The following RERE variants were observed in gnomAD, a reference collection of about 807,000 sequenced individuals.
RERE encodes arginine-glutamic acid dipeptide repeats.
A neutral mutation model predicts 146.1 loss-of-function variants in RERE; 40 were observed. The ratio of observed to expected loss-of-function variants is 0.27; its 90% CI spans 0.21 to 0.36. The LOEUF is 0.36. RERE is among the 10% of genes least tolerant of loss of function. The probability of loss-of-function intolerance (pLI) is 1.00; values close to 1 mark genes in which losing one functional copy is unlikely to be tolerated. For missense variants in RERE, 1,933 were observed against 2,138.7 expected, an observed-to-expected ratio of 0.90 and a Z score of 1.90; for synonymous variants, 1,003 against 866.0, an observed-to-expected ratio of 1.16 and a Z score of -2.78.
intron 1 of RERE, chr1:8,750,550 G>A (rs1640511929): frequency 1.0e-6 from 1 of 988,312 alleles, no homozygotes; most frequent in African/African-American, 1.6e-5. Flanking sequence ...CCCAAAACAT[G>A]CTTTGAAAGG....
intron 11 of RERE, among the ~76,000 whole-genome samples, chr1:8,462,027 A>AT (rs1476095204): frequency 6.6e-6 from 1 of 152,046 alleles, no homozygotes; most frequent in South Asian, 2.1e-4. Context: ...TATGTTTTTA[A>AT]TTTTTTTGTG....
intron 1 of RERE, among the ~76,000 whole-genome samples, chr1:8,736,853 A>G (rs200131113): frequency 5.8e-3 from 131 of 22,664 alleles, no homozygotes; most frequent in African/African-American, 0.027. Flanking sequence ...GCAAGGGGGA[A>G]AAAAAAAAAA....
intron 12 of RERE, among the ~76,000 whole-genome samples, chr1:8,388,179 T>A (rs1642748076): frequency 6.6e-6 from 1 of 152,084 alleles, no homozygotes; most frequent in African/African-American, 2.4e-5. Flanking sequence ...GCAAAACTAA[T>A]ATACTGTGTA....
intron 1 of RERE, among the ~76,000 whole-genome samples, chr1:8,710,654 G>A (rs1002617571): frequency 6.6e-6 from 1 of 152,122 alleles, no homozygotes; most frequent in African/African-American, 2.4e-5. Context: ...TAGTAGCTGG[G>A]ACTACAGGTG....
intron 2 of RERE, among the ~76,000 whole-genome samples, chr1:8,643,833 C>T (rs1647217162): frequency 6.6e-6 from 1 of 152,184 alleles, no homozygotes. Context: ...AATGAGAAAG[C>T]TCCTGCTGAT....
chr1:8,443,473 A>AAAAAAAAG (rs1644278849), intron 11 of RERE, among the ~76,000 whole-genome samples: 1 of 151,104 alleles, frequency 6.6e-6, no homozygotes, highest in Non-Finnish European at 1.5e-5. Context: ...AAAAAAAAAA[A>AAAAAAAAG]AAAAAAGAAA....
intron 4 of RERE, among the ~76,000 whole-genome samples, chr1:8,558,466 A>G (rs922240481): frequency 6.6e-6 from 1 of 152,212 alleles, no homozygotes; most frequent in Non-Finnish European, 1.5e-5. Context: ...AGGTGAATGC[A>G]GTATCATGCC....
At position 8,358,514 on chromosome 1, in the gene RERE, C is replaced by T. The variant is rs778066510; in HGVS notation, c.4021G>A (p.Ala1341Thr). 1.2e-5 allele frequency: 19 copies of T among 1,591,596 alleles called. No individual in the cohort carries two copies. Among genetic ancestry groups the T allele is most frequent in the East Asian group, 4.5e-5 (2 of 44,692 alleles). The change falls in exon 20 of 23, where the codon GCC becomes ACC. Residue 1341 changes from alanine (A) to threonine (T), a missense_variant. Ala to Thr is a moderately conservative substitution (Grantham distance 58). Transcript: ENST00000400908. Reference protein sequence around the residue: ...PPELDPLHPAANPMEHFARHS... With the variant: ...PPELDPLHPATNPMEHFARHS... ...CGGGCAAAGTGCTCCATGGGGTTGG[C>T]GGCTGGGTGCAGGGGGTCCAGCTCT...
chr1:8,361,593 A>C, intron 17 of RERE, 103 bp from the exon 18 acceptor site: 1 of 1,499,702 alleles, frequency 6.7e-7, no homozygotes, highest in Admixed American at 1.7e-5. Context: ...CAGATGAAGC[A>C]GCAAGCTTGG....
chr1:8,507,737 CTTTTTT>C (rs58647657), intron 8 of RERE, among the ~76,000 whole-genome samples: 1 of 85,958 alleles, frequency 1.2e-5, no homozygotes, highest in Non-Finnish European at 2.0e-5. Context: ...CATCTTTTAT[CTTTTTT>C]TTTTTTTTTT....
intron 12 of RERE, among the ~76,000 whole-genome samples, chr1:8,371,941 A>G (rs757931102): frequency 2.0e-5 from 3 of 152,212 alleles, no homozygotes; most frequent in Non-Finnish European, 4.4e-5. Context: ...GTCTCCTCCC[A>G]GGCTTTCCAA....
rs1170966210 is a variant in RERE, at chr1:8,433,560, T to TTC, written c.1204-10754_1204-10753insGA. 1.3e-4 allele frequency among the ~76,000 whole-genome samples: 19 copies of TTC among 150,056 alleles called. 1 individual carries two copies. The East Asian group carries it at 3.5e-3, about 28-fold the overall frequency. ...GTAACAGTCCATTCATTTCTTTTTT[T>TTC]TTTTTTTTTTTGAGACGGAGTCTCG... On this transcript the variant is annotated intron_variant, in intron 11 of 22. Coordinates refer to ENST00000400908, the MANE Select transcript of RERE (RefSeq NM_001042681.2).
rs536755143 is a variant in RERE at position 8,491,416 on chromosome 1, A to T, written c.1104+3647T>A. On this transcript the variant is annotated intron_variant, in intron 10 of 22. Coordinates refer to ENST00000400908, the MANE Select transcript of RERE (RefSeq NM_001042681.2). ...GCCATTGCACTCCAGCCTGGGCAACAAGAGCAAAACTCCATCTCAAAACAA... is the reference window on the plus strand; with the variant it reads ...GCCATTGCACTCCAGCCTGGGCAACTAGAGCAAAACTCCATCTCAAAACAA... 9.2e-5 allele frequency among the ~76,000 whole-genome samples: 14 copies of T among 152,262 alleles called. No homozygotes were observed. The South Asian group carries it at 2.5e-3, about 27-fold the overall frequency.
At chr1:8,434,570 G>C (rs1024424048) in intron 11 of RERE, 1 of 152,166 alleles carries the variant, frequency 6.6e-6, no homozygotes, top group Non-Finnish European at 1.5e-5. Context: ...TCATTGACAG[G>C]TGGGTCTCTC....
intron 2 of RERE, among the ~76,000 whole-genome samples, chr1:8,646,033 C>G: frequency 6.6e-6 from 1 of 151,704 alleles, no homozygotes; most frequent in South Asian, 2.1e-4. Flanking sequence ...AGACATACAA[C>G]TAAGAGAACT....
In RERE at chr1:8,564,824, A is replaced by ATGTGTGTGTGTGTGTG. The variant is rs1182779393; in HGVS notation, c.523-7302_523-7301insCACACACACACACACA. Reference sequence around the variant, plus strand: ...GGTGTGTGTGTATGTATGTGTGTGTATATGTGTATGTGTGTGTGTGTGTGT... The same window carrying ATGTGTGTGTGTGTGTG: ...GGTGTGTGTGTATGTATGTGTGTGTATGTGTGTGTGTGTGTGTATGTGTATGTGTGTGTGTGTGTGT... On this transcript the variant is annotated intron_variant, in intron 4 of 22. Coordinates refer to ENST00000400908, the MANE Select transcript of RERE (RefSeq NM_001042681.2). Among the ~76,000 whole-genome samples, 11 of 48,860 alleles carry ATGTGTGTGTGTGTGTG rather than the reference A, an allele frequency of 2.3e-4. No homozygotes were observed. The East Asian group carries it at 8.0e-3, about 35-fold the overall frequency. The allele number at this position is 48,860 out of a possible 152,430, so 32.1% of individuals were successfully genotyped here.
chr1:8,485,593 T>C (rs1024433457), intron 10 of RERE, among the ~76,000 whole-genome samples: 2 of 151,734 alleles, frequency 1.3e-5, no homozygotes, highest in African/African-American at 2.4e-5. Context: ...AAAACTAGAG[T>C]GGCTGTATTA....
intron 12 of RERE, among the ~76,000 whole-genome samples, chr1:8,387,054 G>GAA (rs1294321772): frequency 2.0e-5 from 3 of 152,282 alleles, no homozygotes; most frequent in Admixed American, 2.0e-4. Context: ...TGAAAAACAA[G>GAA]AAAAAGGTAG....
chr1:8,459,384 C>T (rs1644496350), intron 11 of RERE, among the ~76,000 whole-genome samples: 1 of 152,048 alleles, frequency 6.6e-6, no homozygotes, highest in Non-Finnish European at 1.5e-5. Flanking sequence ...AGAAACAGTA[C>T]CACTGTCATT....
Sources: gnomAD v4.1 joint callset for allele counts (sites outside exome capture counted in the v4.1 genomes callset) on GRCh38, gnomAD v4.1.1 for gene constraint, MANE v1.5 for transcripts, NCBI Gene and HGNC (gene_info 2026-07-23, HGNC 2026-07-21) for gene names.